Variants in MIPEP observed in about 807,000 individuals in gnomAD.
The protein encoded by MIPEP is mitochondrial intermediate peptidase.
A neutral mutation model predicts 90.3 loss-of-function variants in MIPEP; 79 were observed. The ratio of observed to expected loss-of-function variants is 0.87; its 90% CI spans 0.73 to 1.05. MIPEP has a LOEUF of 1.05. MIPEP is among the 50% of genes least tolerant of loss of function. The probability of loss-of-function intolerance (pLI) is 0.00; values close to 1 mark genes in which losing one functional copy is unlikely to be tolerated. For missense variants in MIPEP, 940 were observed against 905.6 expected (o/e 1.04, Z -0.49); for synonymous variants, 334 against 315.8 (o/e 1.06, Z -0.61).
chr13:23,732,882 A>G lies in MIPEP; in HGVS notation c.2045-2437T>C, dbSNP rs537377260. 2.0e-5 allele frequency among the ~76,000 whole-genome samples: 3 copies of G among 152,350 alleles called. No homozygotes were observed. In the East Asian group the frequency reaches 5.8e-4, roughly 29 times the overall value. The stretch of plus-strand genomic sequence containing the variant: ...CATGCATCAAAATTCATTGAAAGGT[A>G]CATTTGAGATTTTGCGTTTCACTGT... On this transcript the variant is annotated intron_variant, in intron 18 of 18. Transcript: ENST00000382172.
chr13:23,854,181 C>A (rs35660427), intron 10 of MIPEP, among the ~76,000 whole-genome samples: 2 of 141,248 alleles, frequency 1.4e-5, no homozygotes, highest in African/African-American at 2.6e-5. Flanking sequence ...AAAAATTAGC[C>A]AGGCTAATTT....
intron 14 of MIPEP, among the ~76,000 whole-genome samples, chr13:23,827,624 A>G (rs1160893463): frequency 5.3e-5 from 8 of 152,270 alleles, no homozygotes; most frequent in Non-Finnish European, 1.0e-4. Context: ...AAGAAAAATC[A>G]TAAGCAATCC....
At position 23,837,543 on chromosome 13, in the gene MIPEP, A is replaced by C. The variant is rs751342997; in HGVS notation, c.1543+9T>G. The C allele has an allele frequency of 6.3e-7, 1 of 1,599,834 alleles. No homozygotes were observed. The highest frequency in any genetic ancestry group is 8.6e-7 in the Non-Finnish European group (1 of 1,167,478). On this transcript the variant is annotated intron_variant, in intron 13 of 18. Coordinates refer to ENST00000382172, the MANE Select transcript of MIPEP (RefSeq NM_005932.4). ...ACTGTAGTAAATAAAAGCCCTCCTC[A>C]TGGCTCACCAGTGACGTGTTGGTAA...
chr13:23,886,448 T>C lies in MIPEP; in HGVS notation c.248A>G (p.Lys83Arg), dbSNP rs1436204497. 1 of 1,606,876 alleles carries C rather than the reference T, an allele frequency of 6.2e-7. No individual in the cohort carries two copies. Residue 83 changes from lysine to arginine, a missense_variant, in exon 2 of 19, where the codon AAA (lysine) becomes AGA (arginine). By Grantham distance (26) the Lys-to-Arg change is conservative (BLOSUM62 2). Transcript: ENST00000382172. Reference sequence around the variant, plus strand: ...AAGCAATTCTGTCTTTCTCAAGGCTTTTTCTTGTGCAATATGAAATCCTTC... The same window carrying C: ...AAGCAATTCTGTCTTTCTCAAGGCTCTTTCTTGTGCAATATGAAATCCTTC... ...APEGFHIAQE[K>R]ALRKTELLVD...
intron 16 of MIPEP, among the ~76,000 whole-genome samples, chr13:23,762,879 C>A (rs951222573): frequency 1.3e-5 from 2 of 152,176 alleles, no homozygotes; most frequent in Non-Finnish European, 2.9e-5. Flanking sequence ...AGATGCCATG[C>A]CCTTGGTAGA....
intron 16 of MIPEP, among the ~76,000 whole-genome samples, chr13:23,786,885 A>C (rs180834176): frequency 1.1e-4 from 16 of 152,196 alleles, no homozygotes; most frequent in African/African-American, 3.9e-4. Flanking sequence ...AGTCAAGTGC[A>C]CAGAGTTATG....
chr13:23,864,751 A>AAAAC (rs1870459310), intron 7 of MIPEP, among the ~76,000 whole-genome samples: 2 of 146,616 alleles, frequency 1.4e-5, no homozygotes, highest in African/African-American at 2.6e-5. Flanking sequence ...AAAAAAAAAA[A>AAAAC]AGAGTTAATG....
At chr13:23,852,699 T>C (rs1292760214) in intron 10 of MIPEP, among the ~76,000 whole-genome samples, 3 of 152,228 alleles carry the variant, frequency 2.0e-5, no homozygotes, top group Non-Finnish European at 4.4e-5. Context: ...TACACTATAC[T>C]TTCTATCACT....
At chr13:23,866,187 G>C (rs941917697) in intron 7 of MIPEP, among the ~76,000 whole-genome samples, 4 of 152,058 alleles carry the variant, frequency 2.6e-5, no homozygotes, top group Non-Finnish European at 5.9e-5. Flanking sequence ...CACAGCCACA[G>C]ATGCATCTGA....
In MIPEP at chr13:23,870,209, G is replaced by A. The variant is rs1259511094; in HGVS notation, c.604-14C>T. 1 of 1,476,772 alleles carries A rather than the reference G, an allele frequency of 6.8e-7. No individual in the cohort carries two copies. Among genetic ancestry groups the A allele is most frequent in the Middle Eastern group, 1.8e-4 (1 of 5,516 alleles). The allele number at this position is 1,476,772 out of a possible 1,614,324, so 91.5% of individuals were successfully genotyped here. A position where few individuals can be genotyped will look rare whatever the true frequency, so the allele number is the denominator to read the frequency against. ...TGCTCTTTTACGCTGTATGCAGGAG[G>A]AGTAAAAGTTATTTAAAGGCGTTTT... is the stretch of plus-strand genomic sequence containing the variant. On this transcript the variant is annotated splice_polypyrimidine_tract_variant and intron_variant, in intron 5 of 18. Coordinates refer to ENST00000382172, the MANE Select transcript of MIPEP (RefSeq NM_005932.4).
chr13:23,748,418 T>C (rs1952406602), intron 18 of MIPEP, among the ~76,000 whole-genome samples: 1 of 152,132 alleles, frequency 6.6e-6, no homozygotes, highest in Admixed American at 6.5e-5. Context: ...AACCAATAAA[T>C]GAAATAATAC....
intron 16 of MIPEP, among the ~76,000 whole-genome samples, chr13:23,777,536 GTACACATGGT>G (rs1337863638): frequency 6.6e-6 from 1 of 152,150 alleles, no homozygotes; most frequent in Non-Finnish European, 1.5e-5. Context: ...GGGTTTGACG[GTACACATGGT>G]TACACAGAAT....
chr13:23,746,934 G>A lies in MIPEP; in HGVS notation c.2044+9611C>T, dbSNP rs542103427. Among the ~76,000 whole-genome samples, 26 of 152,318 alleles carry A rather than the reference G, an allele frequency of 1.7e-4. 2 individuals are homozygous for A. The South Asian group carries it at 5.4e-3, about 32-fold the overall frequency. On this transcript the variant is annotated intron_variant, in intron 18 of 18. Transcript: ENST00000382172. ...CATCAAATTTATACAGAAAGTAGAT[G>A]ATAGCTTACTATTAGAGAAAACTGT...
At chr13:23,865,609 GT>G (rs1249793380) in intron 7 of MIPEP, among the ~76,000 whole-genome samples, 2 of 151,868 alleles carry the variant, frequency 1.3e-5, no homozygotes, top group Non-Finnish European at 2.9e-5. Context: ...TAATAACCGT[GT>G]TTTAACATTC....
chr13:23,747,321 G>A (rs575483455), intron 18 of MIPEP, among the ~76,000 whole-genome samples: 29 of 152,252 alleles, frequency 1.9e-4, no homozygotes, highest in African/African-American at 5.3e-4. Flanking sequence ...TCATTTAGGC[G>A]GGATCTCTTG....
chr13:23,864,267 G>T, intron 7 of MIPEP, 78 bp from the exon 8 acceptor site: 3 of 1,001,938 alleles, frequency 3.0e-6, no homozygotes, highest in South Asian at 1.6e-5. Context: ...ATTATGTGAT[G>T]ATCATAATCT....
chr13:23,765,277 G>T (rs1293751346), intron 16 of MIPEP, among the ~76,000 whole-genome samples: 1 of 152,160 alleles, frequency 6.6e-6, no homozygotes, highest in African/African-American at 2.4e-5. Flanking sequence ...AAAGGTAACA[G>T]CAGCTTTCCT....
At chr13:23,856,447 G>A (rs1870051034) in intron 10 of MIPEP, among the ~76,000 whole-genome samples, 1 of 152,222 alleles carries the variant, frequency 6.6e-6, no homozygotes, top group Non-Finnish European at 1.5e-5. Flanking sequence ...TGCGCCCAGA[G>A]CCAGGCTTGT....
In MIPEP at chr13:23,795,901, C is replaced by T. The variant is rs375782749; in HGVS notation, c.1848+10049G>A. 6.6e-4 allele frequency among the ~76,000 whole-genome samples: 99 copies of T among 150,556 alleles called. No individual in the cohort carries two copies. In the Middle Eastern group the frequency reaches 0.014, roughly 22 times the overall value. On this transcript the variant is annotated intron_variant, in intron 16 of 18. Transcript: ENST00000382172. The stretch of plus-strand genomic sequence containing the variant: ...GTCCTAGCTACCTGGGAAACCGAGA[C>T]AGGAGGGTCAGTTGAGCCTTGAGGT...
Sources: allele counts gnomAD v4.1 joint callset (sites outside exome capture counted in the v4.1 genomes callset), GRCh38; gene constraint gnomAD v4.1.1; transcripts MANE v1.5; gene names NCBI Gene and HGNC (gene_info 2026-07-23, HGNC 2026-07-21).